RAPGEF2: variants seen among roughly 807,000 people sequenced by gnomAD.
RAPGEF2 encodes the protein Rap guanine nucleotide exchange factor 2.
In RAPGEF2, 54 loss-of-function variants were observed where a neutral mutation model predicts 186.7. That is an observed-to-expected ratio of 0.29 (90% confidence interval 0.23 to 0.36). The LOEUF (loss-of-function observed/expected upper bound fraction) is 0.36. RAPGEF2 is among the 10% of genes least tolerant of loss of function. The pLI, the probability that RAPGEF2 is intolerant of heterozygous loss-of-function variation, is 1.00. For missense variants in RAPGEF2, 1,532 were observed against 2,045.0 expected, an observed-to-expected ratio of 0.75 and a Z score of 4.84; for synonymous variants, 712 against 705.9, an observed-to-expected ratio of 1.01 and a Z score of -0.14.
At chr4:159,154,871 G>T (rs2111200946) in intron 1 of RAPGEF2, among the ~76,000 whole-genome samples, 1 of 152,218 alleles carries the variant, frequency 6.6e-6, no homozygotes, top group South Asian at 2.1e-4. Context: ...ATTCTCTTTT[G>T]TTAGAAATGG....
chr4:159,121,527 G>A (rs565345689), intron 1 of RAPGEF2, among the ~76,000 whole-genome samples: 33 of 152,092 alleles, frequency 2.2e-4, no homozygotes, highest in Admixed American at 1.1e-3. Flanking sequence ...TACCATGCCT[G>A]TAGCTAATTT....
At chr4:159,244,364 C>A (rs1255399844) in intron 7 of RAPGEF2, among the ~76,000 whole-genome samples, 1 of 151,800 alleles carries the variant, frequency 6.6e-6, no homozygotes, top group Non-Finnish European at 1.5e-5. Flanking sequence ...AGGTTTCTTG[C>A]TTTTATTTCA....
At chr4:159,280,869 A>G (rs1357569985) in intron 7 of RAPGEF2, among the ~76,000 whole-genome samples, 1 of 152,208 alleles carries the variant, frequency 6.6e-6, no homozygotes, top group Non-Finnish European at 1.5e-5. Flanking sequence ...AACTATTCCA[A>G]CTAGGTTTTT....
chr4:159,233,005 C>T (rs570145594), intron 4 of RAPGEF2, among the ~76,000 whole-genome samples: 1 of 152,176 alleles, frequency 6.6e-6, no homozygotes, highest in Middle Eastern at 3.4e-3. Context: ...GTCAAGTTTA[C>T]ATTGGGTTAT....
At chr4:159,182,115 T>A (rs1747068392) in intron 1 of RAPGEF2, among the ~76,000 whole-genome samples, 1 of 152,204 alleles carries the variant, frequency 6.6e-6, no homozygotes, top group African/African-American at 2.4e-5. Context: ...GTATTGAACT[T>A]ATGGGACCTG....
At chr4:159,250,210 G>C (rs1579605364) in intron 7 of RAPGEF2, among the ~76,000 whole-genome samples, 1 of 151,904 alleles carries the variant, frequency 6.6e-6, no homozygotes, top group African/African-American at 2.4e-5. Flanking sequence ...CAACATATAT[G>C]GTGCAGTGTG....
chr4:159,280,224 A>G (rs1759509285), intron 7 of RAPGEF2, among the ~76,000 whole-genome samples: 2 of 152,192 alleles, frequency 1.3e-5, no homozygotes, highest in African/African-American at 4.8e-5. Context: ...CGGATGAAGG[A>G]GTTTTCTCAG....
intron 1 of RAPGEF2, among the ~76,000 whole-genome samples, chr4:159,173,514 C>T (rs576085128): frequency 7.2e-5 from 11 of 152,164 alleles, no homozygotes; most frequent in Middle Eastern, 3.4e-3. Context: ...TATAGCAGCC[C>T]CTGTCTGTCC....
intron 7 of RAPGEF2, among the ~76,000 whole-genome samples, chr4:159,279,863 T>C (rs905991735): frequency 2.6e-5 from 4 of 151,988 alleles, no homozygotes; most frequent in African/African-American, 7.3e-5. Flanking sequence ...GGATTTTTTT[T>C]GGTAGAGATG....
chr4:159,232,339 A>G (rs1365115897), intron 4 of RAPGEF2, among the ~76,000 whole-genome samples: 2 of 152,124 alleles, frequency 1.3e-5, no homozygotes, highest in African/African-American at 2.4e-5. Flanking sequence ...GTCTCTATGA[A>G]TTTGCCTATT....
intron 9 of RAPGEF2, among the ~76,000 whole-genome samples, chr4:159,318,376 G>A (rs1764850341): frequency 6.6e-6 from 1 of 152,290 alleles, no homozygotes; most frequent in African/African-American, 2.4e-5. Context: ...CTGTATGATT[G>A]ATGTTTTCTC....
intron 2 of RAPGEF2, among the ~76,000 whole-genome samples, chr4:159,192,390 C>T (rs1748215887): frequency 6.6e-6 from 1 of 152,170 alleles, no homozygotes; most frequent in African/African-American, 2.4e-5. Context: ...TAGTGTTTCA[C>T]AGGTTGGAGA....
At position 159,339,108 on chromosome 4, in the gene RAPGEF2, C is replaced by T. The variant is rs1259485316; in HGVS notation, c.2294-6C>T. ...TACTTATGTGTGTGATTTTTCTTTC[C>T]CCCAGACTTGCCAGATCAAGTGCTA... On this transcript the variant is annotated splice_region_variant and splice_polypyrimidine_tract_variant and intron_variant, in intron 18 of 29. Coordinates refer to ENST00000691494, the MANE Select transcript of RAPGEF2 (RefSeq NM_001394067.2). The T allele has an allele frequency of 1.9e-6, 3 of 1,609,168 alleles. No homozygotes were observed. The highest frequency in any genetic ancestry group is 2.7e-5 in the African/African-American group (2 of 74,722).
At chr4:159,138,904 G>C (rs186154111) in intron 1 of RAPGEF2, among the ~76,000 whole-genome samples, 8 of 152,176 alleles carry the variant, frequency 5.3e-5, no homozygotes. Flanking sequence ...TAACTACCAC[G>C]TGAAGGAAAT....
chr4:159,255,506 C>T (rs567321355), intron 7 of RAPGEF2, among the ~76,000 whole-genome samples: 6 of 152,146 alleles, frequency 3.9e-5, no homozygotes, highest in South Asian at 4.2e-4. Context: ...AAAATTCTTT[C>T]GGTAATCAGC....
At chr4:159,187,393 G>A (rs993805894) in intron 2 of RAPGEF2, among the ~76,000 whole-genome samples, 3 of 151,412 alleles carry the variant, frequency 2.0e-5, no homozygotes, top group Admixed American at 6.6e-5. Flanking sequence ...GCCACTTGGT[G>A]AATATATCAA....
At chr4:159,117,620 A>AT (rs1739189007) in intron 1 of RAPGEF2, among the ~76,000 whole-genome samples, 1 of 151,870 alleles carries the variant, frequency 6.6e-6, no homozygotes, top group African/African-American at 2.4e-5. Context: ...CATATCTTTA[A>AT]TTTTAATTGT....
chr4:159,129,755 G>A (rs1473913244), intron 1 of RAPGEF2, among the ~76,000 whole-genome samples: 2 of 152,166 alleles, frequency 1.3e-5, no homozygotes, highest in Non-Finnish European at 2.9e-5. Context: ...TTTCGAGACA[G>A]TGTTACTGGA....
At chr4:159,297,516 G>T (rs771598044) in intron 7 of RAPGEF2, among the ~76,000 whole-genome samples, 4 of 152,148 alleles carry the variant, frequency 2.6e-5, no homozygotes, top group Non-Finnish European at 4.4e-5. Context: ...GAGAGTAATT[G>T]AACTATAAGC....
Sources: gnomAD v4.1 joint callset for allele counts (sites outside exome capture counted in the v4.1 genomes callset) on GRCh38, gnomAD v4.1.1 for gene constraint, MANE v1.5 for transcripts, NCBI Gene and HGNC (gene_info 2026-07-23, HGNC 2026-07-21) for gene names.